Variants in IL1RAPL2 observed in about 807,000 individuals in gnomAD.
IL1RAPL2 encodes the protein interleukin 1 receptor accessory protein like 2, also known as X-linked interleukin-1 receptor accessory protein-like 2.
A neutral mutation model predicts 44.1 loss-of-function variants in IL1RAPL2; 3 were observed. The observed-to-expected ratio is 0.07, with a 90% CI of 0.03 to 0.18. IL1RAPL2 has a LOEUF of 0.18. Among genes scored for constraint, IL1RAPL2 ranks in the 10% least tolerant of loss-of-function variants. IL1RAPL2 has a pLI of 1.00. For missense variants in IL1RAPL2, 391 were observed against 496.4 expected (o/e 0.79, Z 2.02); for synonymous variants, 181 against 178.8 (o/e 1.01, Z -0.10).
chrX:105,138,201 C>T (rs1315479240), intron 2 of IL1RAPL2, among the ~76,000 whole-genome samples: 1 of 111,625 alleles, frequency 9.0e-6, no homozygotes, highest in Non-Finnish European at 1.9e-5. Flanking sequence ...AGTATTAAGT[C>T]TCCCTTTGCA....
intron 5 of IL1RAPL2, among the ~76,000 whole-genome samples, chrX:105,333,615 T>G: frequency 9.0e-6 from 1 of 111,616 alleles, no homozygotes; most frequent in East Asian, 2.8e-4. Context: ...AAACAAGCCA[T>G]TTGACAAGGG....
chrX:104,670,588 T>TC (rs1286673390), intron 2 of IL1RAPL2, among the ~76,000 whole-genome samples: 3 of 110,489 alleles, frequency 2.7e-5, no homozygotes, highest in South Asian at 7.8e-4. Context: ...CAGTCATGTT[T>TC]TTTTTAAACA....
chrX:105,173,198 C>T (rs900949627), intron 2 of IL1RAPL2, among the ~76,000 whole-genome samples: 3 of 111,460 alleles, frequency 2.7e-5, no homozygotes, highest in African/African-American at 9.8e-5. Context: ...ATTCACCCCT[C>T]TGGAATTTCA....
chrX:105,379,307 T>C (rs2035411676), intron 5 of IL1RAPL2, among the ~76,000 whole-genome samples: 1 of 111,379 alleles, frequency 9.0e-6, no homozygotes, highest in Non-Finnish European at 1.9e-5. Context: ...ATTGTGGGCT[T>C]TCTCCATCCT....
At chrX:105,705,497 C>T (rs1196170103) in intron 6 of IL1RAPL2, among the ~76,000 whole-genome samples, 1 of 110,468 alleles carries the variant, frequency 9.1e-6, no homozygotes, top group Non-Finnish European at 1.9e-5. Context: ...ATATTGAGGT[C>T]CCTGTTGGTT....
intron 2 of IL1RAPL2, among the ~76,000 whole-genome samples, chrX:104,743,476 A>G (rs977666509): frequency 9.0e-6 from 1 of 110,668 alleles, no homozygotes; most frequent in African/African-American, 3.3e-5. Context: ...CTTGGCTTAT[A>G]TAGTAATAAT....
chrX:104,645,299 A>C (rs1411827905), intron 1 of IL1RAPL2, among the ~76,000 whole-genome samples: 1 of 111,415 alleles, frequency 9.0e-6, no homozygotes, highest in African/African-American at 3.3e-5. Flanking sequence ...TCAATTTTTC[A>C]CTAACATCTA....
intron 2 of IL1RAPL2, among the ~76,000 whole-genome samples, chrX:105,194,308 A>G (rs185598910): frequency 4.4e-4 from 49 of 112,501 alleles, no homozygotes; most frequent in African/African-American, 1.5e-3. Flanking sequence ...TCAGTTCACA[A>G]AATCATAAGT....
intron 2 of IL1RAPL2, among the ~76,000 whole-genome samples, chrX:105,190,869 C>T (rs1206313395): frequency 8.9e-6 from 1 of 111,973 alleles, no homozygotes; most frequent in Non-Finnish European, 1.9e-5. Flanking sequence ...CAGATAGATG[C>T]GGCAGGATTT....
chrX:104,733,183 A>G (rs185131590), intron 2 of IL1RAPL2, among the ~76,000 whole-genome samples: 1 of 112,021 alleles, frequency 8.9e-6, no homozygotes, highest in African/African-American at 3.2e-5. Context: ...CTTGCCTGCT[A>G]TCACTACCTC....
At position 105,078,037 on chromosome X, in the gene IL1RAPL2, C is replaced by A. The variant is rs890617039; in HGVS notation, c.83-117438C>A. Among the ~76,000 whole-genome samples the A allele has an allele frequency of 1.1e-4, 12 of 111,593 alleles. No individual in the cohort carries two copies. In the South Asian group the frequency reaches 1.5e-3, roughly 14 times the overall value. On this transcript the variant is annotated intron_variant, in intron 2 of 10. Coordinates refer to ENST00000372582, the MANE Select transcript of IL1RAPL2 (RefSeq NM_017416.2). ...ATCTTCTGGAGCCTTCCTCTCTCAACTCGTCATTCTCCGTCCAGCTTTGTT... is the reference window on the plus strand; with the variant it reads ...ATCTTCTGGAGCCTTCCTCTCTCAAATCGTCATTCTCCGTCCAGCTTTGTT...
chrX:104,611,959 T>C (rs967873986), intron 1 of IL1RAPL2, among the ~76,000 whole-genome samples: 9 of 111,234 alleles, frequency 8.1e-5, no homozygotes, highest in African/African-American at 2.9e-4. Context: ...CAGACCATTT[T>C]AAAATGTTTC....
intron 5 of IL1RAPL2, among the ~76,000 whole-genome samples, chrX:105,282,237 G>C (rs1449602623): frequency 8.9e-6 from 1 of 112,015 alleles, no homozygotes; most frequent in African/African-American, 3.2e-5. Flanking sequence ...GAGTCCGGAG[G>C]ACAAGCATGT....
At chrX:104,750,424 GTT>G (rs889505512) in intron 2 of IL1RAPL2, among the ~76,000 whole-genome samples, 5 of 110,817 alleles carry the variant, frequency 4.5e-5, no homozygotes, top group African/African-American at 1.3e-4. Context: ...TTTTGGATGA[GTT>G]TCCATTTGAG....
intron 5 of IL1RAPL2, among the ~76,000 whole-genome samples, chrX:105,448,179 AC>A: frequency 9.3e-6 from 1 of 107,226 alleles, no homozygotes. Context: ...TTTATCCTTT[AC>A]TTTTGGGAGT....
At chrX:104,777,298 C>T (rs1869086834) in intron 2 of IL1RAPL2, among the ~76,000 whole-genome samples, 1 of 110,564 alleles carries the variant, frequency 9.0e-6, no homozygotes, top group Non-Finnish European at 1.9e-5. Context: ...TGGGATCATA[C>T]AATATTTATC....
At chrX:105,696,548 C>G (rs186090807) in intron 6 of IL1RAPL2, among the ~76,000 whole-genome samples, 44 of 111,602 alleles carry the variant, frequency 3.9e-4, no homozygotes, top group Admixed American at 2.7e-3. Context: ...CCACCCCCCC[C>G]ACAAAAGTAA....
chrX:104,677,490 C>A (rs1930795620), intron 2 of IL1RAPL2, among the ~76,000 whole-genome samples: 1 of 111,248 alleles, frequency 9.0e-6, no homozygotes, highest in Admixed American at 9.5e-5. Context: ...AGAACCACTG[C>A]TCTCTTCAAA....
rs993426442 is a variant in IL1RAPL2 at position 105,079,507 on chromosome X, A to G, written c.83-115968A>G. On this transcript the variant is annotated intron_variant, in intron 2 of 10. Transcript: ENST00000372582. ...AGAATGATGGTTTCCAGCTTCATCC[A>G]TGTCCCTACAAAGGACATGAACTCA... Among the ~76,000 whole-genome samples, 62 of 109,566 alleles carry G rather than the reference A, an allele frequency of 5.7e-4. 1 individual carries two copies. The highest frequency in any genetic ancestry group is 9.7e-4 in the Admixed American group (10 of 10,290).
Sources: gnomAD v4.1 joint callset for allele counts (sites outside exome capture counted in the v4.1 genomes callset) on GRCh38, gnomAD v4.1.1 for gene constraint, MANE v1.5 for transcripts, NCBI Gene and HGNC (gene_info 2026-07-23, HGNC 2026-07-21) for gene names.